The following OPA1 variants were observed in gnomAD, a reference collection of about 807,000 sequenced individuals.
OPA1 encodes dynamin-like GTPase OPA1, mitochondrial.
OPA1 carries 59 observed loss-of-function variants against 152.9 expected under a neutral mutation model. That is an observed-to-expected ratio of 0.39 (90% confidence interval 0.31 to 0.48). OPA1 has a LOEUF of 0.48. OPA1 is among the 20% of genes least tolerant of loss of function. The probability of loss-of-function intolerance (pLI) is 0.96; values close to 1 mark genes in which losing one functional copy is unlikely to be tolerated. For synonymous variants in OPA1, 400 were observed against 389.9 expected, an observed-to-expected ratio of 1.03 and a Z score of -0.31; for missense variants, 1,008 against 1,216.8, an observed-to-expected ratio of 0.83 and a Z score of 2.55.
At chr3:193,691,887 G>A in intron 29 of OPA1, 176 bp from the exon 30 acceptor site, 1 of 542,782 alleles carries the variant, frequency 1.8e-6, no homozygotes, top group Non-Finnish European at 3.4e-6. Context: ...AAAAATGTCT[G>A]AGACCTACTA....
rs1485330945 is a variant in OPA1 at position 193,635,430 on chromosome 3, A to C, written c.856A>C (p.Arg286=). The C allele has an allele frequency of 1.0e-5, 16 of 1,594,470 alleles. No individual in the cohort carries two copies. The highest frequency in any genetic ancestry group is 1.3e-5 in the African/African-American group (1 of 74,524). The change falls in exon 9 of 31, where the codon AGA becomes CGA. Residue 286 remains arginine, a synonymous_variant. Coordinates refer to ENST00000361510, the MANE Select transcript of OPA1 (RefSeq NM_130837.3). ...ELLHTQLKYQ[R]ILERLEKENK... ...TATTTTATTGCAGTTGAAGTATCAG[A>C]GAATCTTGGAACGATTAGAAAAGGA...
At chr3:193,613,896 C>T (rs1233803605) in intron 1 of OPA1, 2 of 518,080 alleles carry the variant, frequency 3.9e-6, no homozygotes. Flanking sequence ...AAGAAGTTTC[C>T]AGTCCCTTGT....
intron 8 of OPA1, among the ~76,000 whole-genome samples, chr3:193,632,534 G>T (rs1362282445): frequency 4.6e-5 from 7 of 152,030 alleles, no homozygotes; most frequent in Non-Finnish European, 1.0e-4. Context: ...CTATATAGGT[G>T]ACACTGACAT....
chr3:193,599,810 C>G (rs1726185517), intron 1 of OPA1, among the ~76,000 whole-genome samples: 1 of 152,192 alleles, frequency 6.6e-6, no homozygotes, highest in Non-Finnish European at 1.5e-5. Flanking sequence ...TGGGCAGTCT[C>G]CAGAATCACC....
chr3:193,663,264 G>A (rs1050425589), intron 26 of OPA1, among the ~76,000 whole-genome samples: 3 of 152,060 alleles, frequency 2.0e-5, no homozygotes, highest in Non-Finnish European at 2.9e-5. Context: ...TTTGCCCCAC[G>A]TCACGCTGTT....
intron 5 of OPA1, 94 bp from the exon 6 acceptor site, chr3:193,618,775 C>T: frequency 2.0e-6 from 2 of 995,344 alleles, no homozygotes; most frequent in Non-Finnish European, 3.2e-6. Context: ...TCTAAAAATC[C>T]ATTCACCTTT....
intron 7 of OPA1, among the ~76,000 whole-genome samples, chr3:193,626,414 T>C (rs1731151898): frequency 6.6e-6 from 1 of 152,158 alleles, no homozygotes. Flanking sequence ...CAGAGGAATT[T>C]TGGTTTCTGA....
intron 1 of OPA1, chr3:193,613,949 G>T (rs761543731): frequency 3.9e-6 from 2 of 518,822 alleles, no homozygotes; most frequent in Admixed American, 3.9e-5. Context: ...GAATCAGACT[G>T]GCCCTGATTA....
At chr3:193,694,500 C>A (rs1002450755) in intron 30 of OPA1, 106 bp from the exon 31 acceptor site, 3 of 152,096 alleles carry the variant, frequency 2.0e-5, no homozygotes, top group Non-Finnish European at 4.4e-5. Context: ...CAAAGGTAAG[C>A]GGTTAGGCTT....
intron 6 of OPA1, among the ~76,000 whole-genome samples, chr3:193,625,342 CTTAA>C (rs1028683004): frequency 5.9e-5 from 9 of 151,968 alleles, no homozygotes; most frequent in African/African-American, 2.2e-4. Context: ...GTCTCCATAT[CTTAA>C]TTGTGTTTTT....
At chr3:193,660,054 G>A (rs1198319899) in intron 25 of OPA1, among the ~76,000 whole-genome samples, 2 of 152,098 alleles carry the variant, frequency 1.3e-5, no homozygotes, top group African/African-American at 4.8e-5. Flanking sequence ...AGGCTGAGGT[G>A]GGAAGGATTG....
At chr3:193,669,689 A>G (rs1717492692) in intron 29 of OPA1, among the ~76,000 whole-genome samples, 2 of 152,238 alleles carry the variant, frequency 1.3e-5, no homozygotes, top group Non-Finnish European at 2.9e-5. Flanking sequence ...CAAGACAGTG[A>G]AACAATTCAA....
At chr3:193,667,547 TATAGTCC>T (rs1411806718) in intron 29 of OPA1, 13 of 399,968 alleles carry the variant, frequency 3.3e-5, no homozygotes, top group Non-Finnish European at 5.8e-5. Context: ...GGTGGGTGCC[TATAGTCC>T]CAGCTACTTG....
chr3:193,614,666 A>G, intron 1 of OPA1, 57 bp from the exon 2 acceptor site: 1 of 1,325,372 alleles, frequency 7.5e-7, no homozygotes, highest in Non-Finnish European at 1.1e-6. Context: ...TTTTAATGTC[A>G]TTTCCTTTGT....
intron 1 of OPA1, 84 bp downstream of exon 1, chr3:193,593,493 C>G (rs1724979231): frequency 2.2e-6 from 3 of 1,336,004 alleles, no homozygotes; most frequent in African/African-American, 1.5e-5. Context: ...CAAAAATGTG[C>G]AGGTGACTCT....
chr3:193,676,278 G>T (rs1448187962), intron 29 of OPA1, among the ~76,000 whole-genome samples: 3 of 151,926 alleles, frequency 2.0e-5, no homozygotes, highest in African/African-American at 7.3e-5. Flanking sequence ...TAATGTATTT[G>T]TTTTATGGTA....
chr3:193,683,887 G>A (rs1324722305), intron 29 of OPA1, among the ~76,000 whole-genome samples: 1 of 152,110 alleles, frequency 6.6e-6, no homozygotes, highest in Non-Finnish European at 1.5e-5. Flanking sequence ...TGTGATATAC[G>A]CTTTATTGTG....
chr3:193,658,818 A>G (rs1247196459), intron 23 of OPA1, 69 bp from the exon 24 acceptor site: 21 of 1,073,234 alleles, frequency 2.0e-5, no homozygotes, highest in East Asian at 1.2e-4. Context: ...TAAGCTGTCA[A>G]TTTGAATAAA....
At chr3:193,631,796 C>T (rs562545080) in intron 8 of OPA1, 131 bp downstream of exon 8, 24 of 744,582 alleles carry the variant, frequency 3.2e-5, no homozygotes, top group Middle Eastern at 5.4e-4. Flanking sequence ...TTATTATTAT[C>T]GATAGATGCA....
Sources: gnomAD v4.1 joint callset for allele counts (sites outside exome capture counted in the v4.1 genomes callset) on GRCh38, gnomAD v4.1.1 for gene constraint, MANE v1.5 for transcripts, NCBI Gene and HGNC (gene_info 2026-07-23, HGNC 2026-07-21) for gene names.